Variants in SLC24A3 observed in about 807,000 individuals in gnomAD.
The protein encoded by SLC24A3 is sodium/potassium/calcium exchanger 3.
SLC24A3 carries 28 observed loss-of-function variants against 75.8 expected under a neutral mutation model. The ratio of observed to expected loss-of-function variants is 0.37; its 90% CI spans 0.27 to 0.51. The LOEUF (loss-of-function observed/expected upper bound fraction) is 0.51. Among genes scored for constraint, SLC24A3 ranks in the 20% least tolerant of loss-of-function variants. The probability of loss-of-function intolerance (pLI) is 0.94; values close to 1 mark genes in which losing one functional copy is unlikely to be tolerated. For missense variants in SLC24A3, 663 were observed against 847.8 expected, an observed-to-expected ratio of 0.78 and a Z score of 2.71; for synonymous variants, 372 against 334.1, an observed-to-expected ratio of 1.11 and a Z score of -1.24.
chr20:19,695,720 C>A (rs1251268143), intron 13 of SLC24A3: 3 of 152,160 alleles, frequency 2.0e-5, no homozygotes, highest in African/African-American at 4.8e-5. Flanking sequence ...GTTTTTCAGT[C>A]TCCAGGGAGG....
chr20:19,541,260 C>T (rs919855271), intron 3 of SLC24A3, among the ~76,000 whole-genome samples: 9 of 152,212 alleles, frequency 5.9e-5, no homozygotes, highest in South Asian at 4.1e-4. Context: ...ATAATGGCAG[C>T]GGCTGCAGCG....
At chr20:19,711,175 G>GCA (rs1568707572) in intron 15 of SLC24A3, among the ~76,000 whole-genome samples, 1 of 144,638 alleles carries the variant, frequency 6.9e-6, no homozygotes, top group African/African-American at 2.6e-5. Flanking sequence ...GCAGGCAAAC[G>GCA]TACACACACA....
chr20:19,461,956 T>C (rs559382439), intron 2 of SLC24A3, among the ~76,000 whole-genome samples: 42 of 152,354 alleles, frequency 2.8e-4, no homozygotes, highest in Non-Finnish European at 4.4e-4. Context: ...ATTCAGTGGT[T>C]GGTCAAGGAT....
intron 6 of SLC24A3, among the ~76,000 whole-genome samples, chr20:19,614,421 C>A (rs1356117453): frequency 1.3e-5 from 2 of 152,238 alleles, no homozygotes; most frequent in Non-Finnish European, 2.9e-5. Flanking sequence ...GTGCTTCATG[C>A]AGGGCTGGGC....
At chr20:19,246,376 G>C (rs1023034969) in intron 1 of SLC24A3, among the ~76,000 whole-genome samples, 1 of 152,076 alleles carries the variant, frequency 6.6e-6, no homozygotes, top group Non-Finnish European at 1.5e-5. Context: ...CTCAAGTTTT[G>C]TTCATTATGA....
At chr20:19,591,739 C>G (rs1216476402) in intron 6 of SLC24A3, among the ~76,000 whole-genome samples, 1 of 152,134 alleles carries the variant, frequency 6.6e-6, no homozygotes, top group East Asian at 1.9e-4. Flanking sequence ...AACCACATAC[C>G]CATTTCTCCC....
chr20:19,555,739 G>A (rs2030771840), intron 3 of SLC24A3, among the ~76,000 whole-genome samples: 2 of 152,168 alleles, frequency 1.3e-5, no homozygotes, highest in South Asian at 4.1e-4. Context: ...GTACATGACT[G>A]AAGAATATTG....
chr20:19,717,165 A>G lies in SLC24A3; in HGVS notation c.1720-363A>G, dbSNP rs111372410. On this transcript the variant is annotated intron_variant, in intron 15 of 16. Coordinates refer to ENST00000328041, the MANE Select transcript of SLC24A3 (RefSeq NM_020689.4). The stretch of plus-strand genomic sequence containing the variant: ...AAAGCAGTACGGGTTTGAGAAAGTA[A>G]AAGTTCCCCAGAGGTAAAGGAACAC... Among the ~76,000 whole-genome samples the G allele has an allele frequency of 4.2e-3, 640 of 152,328 alleles. 2 individuals are homozygous for G. The highest frequency in any genetic ancestry group is 0.027 in the Middle Eastern group (8 of 294).
At chr20:19,385,208 C>A (rs990293951) in intron 2 of SLC24A3, among the ~76,000 whole-genome samples, 2 of 152,160 alleles carry the variant, frequency 1.3e-5, no homozygotes, top group African/African-American at 4.8e-5. Flanking sequence ...ACCCAAAAAA[C>A]CAAAATCATT....
In SLC24A3 at chr20:19,598,282, C is replaced by A. The variant is rs563725987; in HGVS notation, c.612+12738C>A. Among the ~76,000 whole-genome samples, 4 of 152,248 alleles carry A rather than the reference C, an allele frequency of 2.6e-5. No individual in the cohort carries two copies. In the South Asian group the frequency reaches 8.3e-4, roughly 32 times the overall value. On this transcript the variant is annotated intron_variant, in intron 6 of 16. Coordinates refer to ENST00000328041, the MANE Select transcript of SLC24A3 (RefSeq NM_020689.4). ...TCTGCATTTGAATGGAAACCTGGAG[C>A]CTGGACCTGAGCCTGAATCTCCAAG... is the stretch of plus-strand genomic sequence containing the variant.
intron 2 of SLC24A3, among the ~76,000 whole-genome samples, chr20:19,424,992 C>T (rs886923465): frequency 1.3e-5 from 2 of 151,992 alleles, no homozygotes; most frequent in Non-Finnish European, 1.5e-5. Context: ...GGCCAATACC[C>T]GCAAAACATA....
At chr20:19,324,430 C>T (rs1984791080) in intron 2 of SLC24A3, among the ~76,000 whole-genome samples, 1 of 152,214 alleles carries the variant, frequency 6.6e-6, no homozygotes, top group African/African-American at 2.4e-5. Flanking sequence ...TATCACAAGA[C>T]ATTTTCACTG....
At chr20:19,698,395 TTC>T (rs1230558408) in intron 14 of SLC24A3, among the ~76,000 whole-genome samples, 171 bp from the exon 15 acceptor site, 2 of 152,236 alleles carry the variant, frequency 1.3e-5, no homozygotes, top group Admixed American at 1.3e-4. Context: ...GAACGTGTGT[TTC>T]TCTGTTTTAT....
rs1054019774 is a variant in SLC24A3 at position 19,515,358 on chromosome 20, G to A, written c.272-130G>A. The stretch of plus-strand genomic sequence containing the variant: ...AACACTAAATTCTGGTTAGTTTTGT[G>A]AACTTAAAGATTCAGGATCTTTTTT... On this transcript the variant is annotated intron_variant, in intron 2 of 16. Coordinates refer to ENST00000328041, the MANE Select transcript of SLC24A3 (RefSeq NM_020689.4). The A allele has an allele frequency of 7.9e-6, 7 of 882,964 alleles. No individual in the cohort carries two copies. The African/African-American group carries it at 1.0e-4, about 13-fold the overall frequency. The allele number at this position is 882,964 out of a possible 1,614,324, so 54.7% of individuals were successfully genotyped here. A position where few individuals can be genotyped will look rare whatever the true frequency, so the allele number is the denominator to read the frequency against.
chr20:19,239,119 T>TAAA (rs372324339), intron 1 of SLC24A3, among the ~76,000 whole-genome samples: 18 of 134,336 alleles, frequency 1.3e-4, no homozygotes, highest in African/African-American at 4.6e-4. Flanking sequence ...AAAGCTTATT[T>TAAA]TAAAAAAAAA....
chr20:19,552,850 C>A (rs2030718606), intron 3 of SLC24A3, among the ~76,000 whole-genome samples: 1 of 152,226 alleles, frequency 6.6e-6, no homozygotes, highest in East Asian at 1.9e-4. Context: ...GATTAGGTGA[C>A]AGCCTACATC....
At chr20:19,393,702 A>G (rs1350344644) in intron 2 of SLC24A3, among the ~76,000 whole-genome samples, 1 of 152,192 alleles carries the variant, frequency 6.6e-6, no homozygotes, top group African/African-American at 2.4e-5. Context: ...GATGAAAGAA[A>G]TTTTTTAAAA....
chr20:19,591,914 A>G (rs1464413465), intron 6 of SLC24A3, among the ~76,000 whole-genome samples: 1 of 152,234 alleles, frequency 6.6e-6, no homozygotes, highest in East Asian at 1.9e-4. Context: ...GAAAAACTGC[A>G]CACAGATGCA....
chr20:19,471,277 C>T (rs1432199661), intron 2 of SLC24A3, among the ~76,000 whole-genome samples: 1 of 152,198 alleles, frequency 6.6e-6, no homozygotes, highest in East Asian at 1.9e-4. Flanking sequence ...CCAGTCTTCG[C>T]TCTAAACTGC....
Sources: gnomAD v4.1 joint callset for allele counts (sites outside exome capture counted in the v4.1 genomes callset) on GRCh38, gnomAD v4.1.1 for gene constraint, MANE v1.5 for transcripts, NCBI Gene and HGNC (gene_info 2026-07-23, HGNC 2026-07-21) for gene names.